RIMS1: variants seen among roughly 807,000 people sequenced by gnomAD.
The protein encoded by RIMS1 is regulating synaptic membrane exocytosis 1, also known as regulating synaptic membrane exocytosis protein 1.
Under a neutral mutation model 214.1 loss-of-function variants are expected in RIMS1, and 83 were observed. The observed-to-expected ratio is 0.39, with a 90% CI of 0.32 to 0.47. The LOEUF is 0.47. RIMS1 is among the 20% of genes least tolerant of loss of function. RIMS1 has a pLI of 0.99. For missense variants in RIMS1, 2,050 were observed against 2,161.8 expected, an observed-to-expected ratio of 0.95 and a Z score of 1.03; for synonymous variants, 793 against 786.8, an observed-to-expected ratio of 1.01 and a Z score of -0.13.
At chr6:72,118,659 G>C (rs568851865) in intron 4 of RIMS1, among the ~76,000 whole-genome samples, 1 of 151,688 alleles carries the variant, frequency 6.6e-6, no homozygotes, top group Admixed American at 6.6e-5. Flanking sequence ...GGTATGCAGG[G>C]ATGTTTTAAC....
chr6:72,011,691 AAAG>A (rs1336589908), intron 2 of RIMS1, among the ~76,000 whole-genome samples: 2 of 152,030 alleles, frequency 1.3e-5, no homozygotes, highest in South Asian at 2.1e-4. Context: ...ACACTTCTCA[AAAG>A]AAGACATTTA....
At chr6:71,949,682 G>A (rs1430030011) in intron 1 of RIMS1, among the ~76,000 whole-genome samples, 2 of 152,208 alleles carry the variant, frequency 1.3e-5, no homozygotes, top group Middle Eastern at 3.4e-3. Context: ...GTCATCATGT[G>A]GTATTACATA....
intron 2 of RIMS1, among the ~76,000 whole-genome samples, chr6:72,061,504 G>A (rs1008787271): frequency 3.3e-5 from 5 of 152,200 alleles, no homozygotes; most frequent in African/African-American, 7.2e-5. Context: ...GGACTGGTCC[G>A]CTTTGCACTC....
chr6:72,323,453 TA>T (rs1008144029), intron 28 of RIMS1, among the ~76,000 whole-genome samples: 28 of 151,384 alleles, frequency 1.8e-4, no homozygotes, highest in African/African-American at 5.1e-4. Context: ...ATTTAAAAAT[TA>T]AAAAAAAGTA....
At chr6:72,179,510 A>T in intron 4 of RIMS1, 65 bp from the exon 5 acceptor site, 3 of 1,197,152 alleles carry the variant, frequency 2.5e-6, no homozygotes, top group Non-Finnish European at 3.6e-6. Context: ...AATATATTTT[A>T]AGATACTGAA....
chr6:72,091,904 A>G (rs1361665331), intron 2 of RIMS1, among the ~76,000 whole-genome samples: 1 of 152,224 alleles, frequency 6.6e-6, no homozygotes. Context: ...TAAATTTCAC[A>G]AAAAGGTTTT....
intron 29 of RIMS1, among the ~76,000 whole-genome samples, chr6:72,374,518 A>G (rs1270641564): frequency 2.0e-5 from 3 of 152,146 alleles, no homozygotes; most frequent in African/African-American, 7.2e-5. Flanking sequence ...CCAGGCCTCA[A>G]ATTAGCACAA....
At chr6:72,244,926 C>T (rs1446190862) in intron 10 of RIMS1, among the ~76,000 whole-genome samples, 1 of 151,836 alleles carries the variant, frequency 6.6e-6, no homozygotes, top group Non-Finnish European at 1.5e-5. Flanking sequence ...TTTGTTGGGA[C>T]TAGCTAACTC....
At chr6:72,117,418 T>C (rs1236874073) in intron 4 of RIMS1, among the ~76,000 whole-genome samples, 1 of 151,984 alleles carries the variant, frequency 6.6e-6, no homozygotes, top group Non-Finnish European at 1.5e-5. Context: ...GTCTATTGTT[T>C]CTTTGTTGAC....
chr6:72,184,607 A>C (rs2048840461), intron 6 of RIMS1, among the ~76,000 whole-genome samples: 1 of 152,220 alleles, frequency 6.6e-6, no homozygotes, highest in Non-Finnish European at 1.5e-5. Flanking sequence ...GGATGGCTTG[A>C]TCATTTAAGG....
At chr6:72,271,276 A>ATATATATAT (rs1223502396) in intron 22 of RIMS1, among the ~76,000 whole-genome samples, 13 of 49,604 alleles carry the variant, frequency 2.6e-4, no homozygotes, top group Non-Finnish European at 4.8e-4. Context: ...AAGGAAAAAA[A>ATATATATAT]AAAAAAAAAA....
intron 2 of RIMS1, among the ~76,000 whole-genome samples, chr6:71,970,750 A>G (rs1341855177): frequency 6.6e-6 from 1 of 152,210 alleles, no homozygotes; most frequent in African/African-American, 2.4e-5. Flanking sequence ...TGTTTAAAAT[A>G]ATGAACTTCT....
At chr6:72,277,482 T>C (rs1163977155) in intron 23 of RIMS1, among the ~76,000 whole-genome samples, 1 of 151,598 alleles carries the variant, frequency 6.6e-6, no homozygotes. Context: ...TTCGGGAGGC[T>C]CAGGCAGGAG....
At chr6:72,242,803 T>A (rs947151708) in intron 10 of RIMS1, among the ~76,000 whole-genome samples, 2 of 151,916 alleles carry the variant, frequency 1.3e-5, no homozygotes, top group Non-Finnish European at 2.9e-5. Context: ...CTTCTTGTGA[T>A]ATTTAAAATA....
intron 2 of RIMS1, among the ~76,000 whole-genome samples, chr6:72,076,442 A>G (rs868468278): frequency 2.2e-4 from 33 of 152,184 alleles, no homozygotes; most frequent in African/African-American, 6.0e-4. Context: ...CAAGTATTAT[A>G]TGGACACTCA....
rs1456059364 is a variant in RIMS1, at chr6:71,980,025, G to T, written c.245+10962G>T. ...TTGGCAATATTATTATTAGAAAGTT[G>T]CTGTGCCTCAGGGCTCAGCCTGGTT... is the stretch of plus-strand genomic sequence containing the variant. On this transcript the variant is annotated intron_variant, in intron 2 of 33. Transcript: ENST00000521978. Among the ~76,000 whole-genome samples, 2 of 152,114 alleles carry T rather than the reference G, an allele frequency of 1.3e-5. 1 individual carries two copies. Among genetic ancestry groups the T allele is most frequent in the African/African-American group, 4.8e-5 (2 of 41,450 alleles).
rs190507936 is a variant in RIMS1, at chr6:72,147,049, G to A, written c.472-32526G>A. On this transcript the variant is annotated intron_variant, in intron 4 of 33. Transcript: ENST00000521978. ...CAAAGAAGCAGTTTATGACCTTAAA[G>A]CATTTAGCAAACCTAATATCTGACC... Among the ~76,000 whole-genome samples, 170 of 152,316 alleles carry A rather than the reference G, an allele frequency of 1.1e-3. 2 individuals are homozygous for A. Among genetic ancestry groups the A allele is most frequent in the African/African-American group, 3.9e-3 (161 of 41,568 alleles).
At chr6:72,100,813 T>C (rs1281631156) in intron 4 of RIMS1, among the ~76,000 whole-genome samples, 1 of 152,022 alleles carries the variant, frequency 6.6e-6, no homozygotes, top group Non-Finnish European at 1.5e-5. Flanking sequence ...TTTTAAAGCT[T>C]ATATGATACA....
rs187795514 is a variant in RIMS1, at chr6:72,208,892, G to A, written c.1679-24881G>A. 3.2e-3 allele frequency among the ~76,000 whole-genome samples: 483 copies of A among 152,172 alleles called. 7 individuals carry two copies. The highest frequency in any genetic ancestry group is 0.011 in the African/African-American group (439 of 41,506). ...GACATTTTGACATGTTTGCTATTCT[G>A]ATCCCCTTTATTCCATATCCAGTAA... On this transcript the variant is annotated intron_variant, in intron 6 of 33. Transcript: ENST00000521978.
Sources: allele counts gnomAD v4.1 joint callset (sites outside exome capture counted in the v4.1 genomes callset), GRCh38; gene constraint gnomAD v4.1.1; transcripts MANE v1.5; gene names NCBI Gene and HGNC (gene_info 2026-07-23, HGNC 2026-07-21).